Variants in CSMD1 observed in about 807,000 individuals in gnomAD.
The protein encoded by CSMD1 is CUB and sushi domain-containing protein 1.
CSMD1 carries 213 observed loss-of-function variants against 417.5 expected under a neutral mutation model. The ratio of observed to expected loss-of-function variants is 0.51; its 90% CI spans 0.46 to 0.57. The LOEUF is 0.57. CSMD1 is among the 20% of genes least tolerant of loss of function. The pLI, the probability that CSMD1 is intolerant of heterozygous loss-of-function variation, is 0.00. For synonymous variants in CSMD1, 2,862 were observed against 1,736.8 expected, an observed-to-expected ratio of 1.65 and a Z score of -16.11; for missense variants, 6,923 against 4,529.7, an observed-to-expected ratio of 1.53 and a Z score of -15.17.
chr8:4,579,345 C>T (rs371651018), intron 2 of CSMD1, among the ~76,000 whole-genome samples: 1 of 146,618 alleles, frequency 6.8e-6, no homozygotes, highest in South Asian at 2.2e-4. Context: ...TATATATATA[C>T]ACACACGTGT....
intron 3 of CSMD1, among the ~76,000 whole-genome samples, chr8:4,244,587 T>C (rs889576396): frequency 5.3e-5 from 8 of 152,152 alleles, no homozygotes; most frequent in Admixed American, 5.2e-4. Flanking sequence ...TATCAACTAT[T>C]GTAGATCTGT....
intron 3 of CSMD1, among the ~76,000 whole-genome samples, chr8:4,284,093 C>G (rs779531190): frequency 3.3e-5 from 5 of 152,250 alleles, no homozygotes; most frequent in African/African-American, 9.6e-5. Flanking sequence ...ATTAGCTAGG[C>G]ATGGTGGCTC....
At chr8:4,534,514 G>T (rs180828752) in intron 2 of CSMD1, among the ~76,000 whole-genome samples, 3 of 152,228 alleles carry the variant, frequency 2.0e-5, no homozygotes, top group Non-Finnish European at 4.4e-5. Context: ...GTGTAGGATT[G>T]TTACATGGGT....
intron 12 of CSMD1, among the ~76,000 whole-genome samples, chr8:3,453,864 C>A (rs903103371): frequency 1.3e-5 from 2 of 152,122 alleles, no homozygotes; most frequent in Non-Finnish European, 2.9e-5. Flanking sequence ...TCCTGGATAT[C>A]CTTGTTAACT....
rs1335244231 is a variant in CSMD1 at position 4,956,906 on chromosome 8, C to T, written c.85+37426G>A. 2.6e-5 allele frequency among the ~76,000 whole-genome samples: 4 copies of T among 152,158 alleles called. No individual in the cohort carries two copies. In the South Asian group the frequency reaches 8.3e-4, roughly 31 times the overall value. On this transcript the variant is annotated intron_variant, in intron 1 of 69. Coordinates refer to ENST00000635120, the MANE Select transcript of CSMD1 (RefSeq NM_033225.6). ...GCGGCAATCCCCAACCAGGCGCTCT[C>T]ATTTTTGTCCACATTCAATTGCACT...
At chr8:3,668,715 G>A (rs1373148726) in intron 7 of CSMD1, among the ~76,000 whole-genome samples, 2 of 152,176 alleles carry the variant, frequency 1.3e-5, no homozygotes, top group East Asian at 3.9e-4. Flanking sequence ...AGAGATGGAT[G>A]AGTTGGGAGC....
chr8:3,632,382 G>A (rs1796827896), intron 7 of CSMD1, among the ~76,000 whole-genome samples: 1 of 151,924 alleles, frequency 6.6e-6, no homozygotes, highest in African/African-American at 2.4e-5. Context: ...ATGACTTATT[G>A]AATCAAAATT....
intron 5 of CSMD1, among the ~76,000 whole-genome samples, chr8:3,939,915 A>G (rs1810760837): frequency 6.6e-6 from 1 of 152,082 alleles, no homozygotes; most frequent in Non-Finnish European, 1.5e-5. Flanking sequence ...GTTCACTGTA[A>G]ACTTCTCGGA....
intron 37 of CSMD1, among the ~76,000 whole-genome samples, chr8:3,175,540 CCTCCCTCCCTCT>C (rs1168637102): frequency 2.1e-5 from 3 of 141,882 alleles, no homozygotes; most frequent in Non-Finnish European, 4.6e-5. Flanking sequence ...TTCCTTCTTC[CCTCCCTCCCTCT>C]CTCCCTCCCT....
chr8:3,997,932 C>G lies in CSMD1; in HGVS notation c.789G>C (p.Glu263Asp). The change falls in exon 5 of 70, where the codon GAG (glutamate) becomes GAC (aspartate). Residue 263 changes from glutamate (E) to aspartate (D), a missense_variant. By Grantham distance (45) the Glu-to-Asp change is conservative (BLOSUM62 2). Transcript: ENST00000635120. Reference sequence around the variant, plus strand: ...TGGATGGAGCTTCCGTGCCACTGATCTCTAAGAAATCATATCCTTCTTCTA... The same window carrying G: ...TGGATGGAGCTTCCGTGCCACTGATGTCTAAGAAATCATATCCTTCTTCTA... ...FQLEEGYDFL[E>D]ISGTEAPSIW... is the part of the protein sequence containing the mutation. 3 of 1,612,406 alleles carry G rather than the reference C, an allele frequency of 1.9e-6. No individual in the cohort carries two copies. The highest frequency in any genetic ancestry group is 1.1e-5 in the South Asian group (1 of 90,522).
intron 1 of CSMD1, among the ~76,000 whole-genome samples, chr8:4,791,838 C>T (rs535296175): frequency 1.3e-5 from 2 of 152,064 alleles, no homozygotes; most frequent in East Asian, 3.8e-4. Context: ...AAAATTCCAA[C>T]AGATATACTT....
intron 3 of CSMD1, among the ~76,000 whole-genome samples, chr8:4,129,681 T>A (rs1175085479): frequency 6.6e-6 from 1 of 152,238 alleles, no homozygotes; most frequent in African/African-American, 2.4e-5. Flanking sequence ...AATCACCTAA[T>A]GACATTTTGT....
intron 3 of CSMD1, among the ~76,000 whole-genome samples, chr8:4,120,481 TAGA>T (rs1328263815): frequency 6.6e-6 from 1 of 152,180 alleles, no homozygotes; most frequent in East Asian, 1.9e-4. Flanking sequence ...ACACAAATGC[TAGA>T]AGAAGAACCA....
intron 2 of CSMD1, among the ~76,000 whole-genome samples, chr8:4,436,754 A>G (rs1798171445): frequency 6.6e-6 from 1 of 152,136 alleles, no homozygotes; most frequent in African/African-American, 2.4e-5. Context: ...GATCCCACAA[A>G]TAAGTGATCA....
intron 21 of CSMD1, among the ~76,000 whole-genome samples, chr8:3,356,230 G>A (rs556358100): frequency 6.6e-6 from 1 of 152,206 alleles, no homozygotes; most frequent in Admixed American, 6.5e-5. Context: ...TAATTTTAGA[G>A]AAAGGAACAT....
intron 25 of CSMD1, 46 bp downstream of exon 25, chr8:3,307,649 G>T (rs766113182): frequency 1.2e-5 from 19 of 1,576,896 alleles, no homozygotes; most frequent in Non-Finnish European, 1.6e-5. Context: ...AGAATAGAAG[G>T]CATATCTCTT....
intron 5 of CSMD1, among the ~76,000 whole-genome samples, chr8:3,764,300 G>T (rs1360078314): frequency 6.6e-6 from 1 of 152,108 alleles, no homozygotes; most frequent in African/African-American, 2.4e-5. Context: ...GTCTCTCCTT[G>T]TGCTGTAGGG....
intron 3 of CSMD1, among the ~76,000 whole-genome samples, chr8:4,254,579 C>G (rs1207609826): frequency 6.6e-6 from 1 of 152,188 alleles, no homozygotes; most frequent in Non-Finnish European, 1.5e-5. Flanking sequence ...TAAGCCTTCA[C>G]ATTCACTCAC....
chr8:4,792,983 A>AATATATATATATAT (rs34947549), intron 1 of CSMD1, among the ~76,000 whole-genome samples: 26 of 148,636 alleles, frequency 1.7e-4, no homozygotes, highest in African/African-American at 6.5e-4. Flanking sequence ...ATGTGTATGC[A>AATATATATATATAT]ATATATATAT....
Sources: allele counts gnomAD v4.1 joint callset (sites outside exome capture counted in the v4.1 genomes callset), GRCh38; gene constraint gnomAD v4.1.1; transcripts MANE v1.5; gene names NCBI Gene and HGNC (gene_info 2026-07-23, HGNC 2026-07-21).